SCUBE1: variants seen among roughly 807,000 people sequenced by gnomAD.
The protein encoded by SCUBE1 is signal peptide, CUB and EGF-like domain-containing protein 1.
SCUBE1 carries 59 observed loss-of-function variants against 124.4 expected under a neutral mutation model. That is an observed-to-expected ratio of 0.47 (90% CI 0.38 to 0.59). The LOEUF (loss-of-function observed/expected upper bound fraction) is 0.59. Among genes scored for constraint, SCUBE1 ranks in the 20% least tolerant of loss-of-function variants. SCUBE1 has a pLI of 0.00. For missense variants in SCUBE1, 1,150 were observed against 1,371.2 expected, an observed-to-expected ratio of 0.84 and a Z score of 2.55; for synonymous variants, 545 against 550.9, an observed-to-expected ratio of 0.99 and a Z score of 0.15.
At position 43,258,207 on chromosome 22, in the gene SCUBE1, G is replaced by T. The variant is rs776827718; in HGVS notation, c.727+12C>A. 5 of 1,586,806 alleles carry T rather than the reference G, an allele frequency of 3.2e-6. No homozygotes were observed. In the South Asian group the frequency reaches 4.4e-5, roughly 14 times the overall value. On this transcript the variant is annotated intron_variant, in intron 6 of 21. Transcript: ENST00000360835. This position sits in a 1 kb window ranked among gnomAD's most constrained non-coding sequence, Gnocchi z 5.0. The stretch of plus-strand genomic sequence containing the variant: ...GGCGCAAGGGTGGTGTGTGGCAGAG[G>T]TGCCTACTTACCGATGCACGTGCGA...
chr22:43,269,929 G>A (rs1924228388), intron 4 of SCUBE1, among the ~76,000 whole-genome samples: 1 of 152,178 alleles, frequency 6.6e-6, no homozygotes, highest in Admixed American at 6.5e-5. Flanking sequence ...AGCCTCCCAC[G>A]TTCATCAGGG....
intron 5 of SCUBE1, among the ~76,000 whole-genome samples, chr22:43,259,852 A>C (rs1923806667): frequency 6.6e-6 from 1 of 152,156 alleles, no homozygotes. Flanking sequence ...CCAGAAACAC[A>C]ACTGGGCTTC....
rs371340127 is a variant in SCUBE1 at position 43,293,426 on chromosome 22, C to T, written c.350-2246G>A. Among the ~76,000 whole-genome samples the T allele has an allele frequency of 3.9e-5, 6 of 152,234 alleles. 1 individual carries two copies. Among genetic ancestry groups the T allele is most frequent in the South Asian group, 4.1e-4 (2 of 4,834 alleles). Reference sequence around the variant, plus strand: ...CCCTGCGGTCTGGCTGCAGAACACGCGCCTTTGGCCCCAGGCTAAGCTGGC... The same window carrying T: ...CCCTGCGGTCTGGCTGCAGAACACGTGCCTTTGGCCCCAGGCTAAGCTGGC... On this transcript the variant is annotated intron_variant, in intron 3 of 21. Coordinates refer to ENST00000360835, the MANE Select transcript of SCUBE1 (RefSeq NM_173050.5).
chr22:43,291,114 T>C lies in SCUBE1; in HGVS notation c.416A>G (p.Tyr139Cys), dbSNP rs1206978545. 2 of 1,613,812 alleles carry C rather than the reference T, an allele frequency of 1.2e-6. No homozygotes were observed. Among genetic ancestry groups the C allele is most frequent in the Non-Finnish European group, 8.5e-7 (1 of 1,179,892 alleles). ...GAAGCCACTGTGGCACTGACACTCG[T>C]AGCTGCCCATGGCATTGACGCAGAT... is the stretch of plus-strand genomic sequence containing the variant. ...QQICVNAMGSYECQCHSGFFL... is the reference protein window; with the variant it reads ...QQICVNAMGSCECQCHSGFFL... Residue 139 changes from tyrosine (Y) to cysteine (C), a missense_variant, in exon 4 of 22, where the codon TAC (tyrosine) becomes TGC (cysteine). Coordinates refer to ENST00000360835, the MANE Select transcript of SCUBE1 (RefSeq NM_173050.5).
At chr22:43,314,033 A>T (rs1276946195) in intron 3 of SCUBE1, among the ~76,000 whole-genome samples, 1 of 152,156 alleles carries the variant, frequency 6.6e-6, no homozygotes, top group African/African-American at 2.4e-5. Flanking sequence ...GACAAAACAG[A>T]GGAGGTGCGA....
intron 21 of SCUBE1, among the ~76,000 whole-genome samples, chr22:43,205,785 ACT>A (rs1164114642): frequency 8.1e-5 from 5 of 61,588 alleles, no homozygotes; most frequent in African/African-American, 2.0e-4. Context: ...CTCACCACAC[ACT>A]CACCCCCACA....
chr22:43,313,929 A>G (rs1331148755), intron 3 of SCUBE1, among the ~76,000 whole-genome samples: 1 of 152,246 alleles, frequency 6.6e-6, no homozygotes, highest in Admixed American at 6.5e-5. Context: ...TAAGGTGATC[A>G]GGGTTTTATC....
chr22:43,250,343 T>C (rs1923391203), intron 6 of SCUBE1, among the ~76,000 whole-genome samples: 1 of 152,190 alleles, frequency 6.6e-6, no homozygotes, highest in Non-Finnish European at 1.5e-5. Context: ...GGCACTGGCC[T>C]GGGGAAAACT....
chr22:43,267,267 G>C (rs1355627783), intron 4 of SCUBE1, among the ~76,000 whole-genome samples: 1 of 152,170 alleles, frequency 6.6e-6, no homozygotes, highest in Non-Finnish European at 1.5e-5. Flanking sequence ...TCTGCAAACA[G>C]TGGGTGAAAG....
At chr22:43,339,287 G>C (rs765125642) in intron 1 of SCUBE1, 52 bp from the exon 2 acceptor site, 1 of 1,588,746 alleles carries the variant, frequency 6.3e-7, no homozygotes, top group Non-Finnish European at 8.6e-7. Flanking sequence ...CCCCAGGGCA[G>C]GTGGCCGATA....
At chr22:43,257,017 C>T (rs1032941145) in intron 6 of SCUBE1, among the ~76,000 whole-genome samples, 6 of 152,200 alleles carry the variant, frequency 3.9e-5, no homozygotes, top group African/African-American at 1.2e-4. Context: ...ACCAGAAAAG[C>T]AAGAGAAATG....
rs1466355225 is a variant in SCUBE1 at position 43,320,063 on chromosome 22, T to C, written c.223A>G (p.Ile75Val). 4.3e-6 allele frequency: 7 copies of C among 1,613,922 alleles called. No individual in the cohort carries two copies. The highest frequency in any genetic ancestry group is 3.3e-5 in the Admixed American group (2 of 60,014). Residue 75 changes from isoleucine (I) to valine (V), a missense_variant and splice_region_variant, in exon 3 of 22, where the codon ATT becomes GTT. Around this residue, in one of 3 missense-constraint regions of SCUBE1, gnomAD observed 337 missense variants for 482.1 expected, o/e 0.70. Coordinates refer to ENST00000360835, the MANE Select transcript of SCUBE1 (RefSeq NM_173050.5). ...YKGEGKQCED[I>V]DECENDYYNG... Reference sequence around the variant, plus strand: ...TAGTAGTCATTCTCACACTCGTCAATGTCTGCAAAAGGAAGGGCATGAGAG... The same window carrying C: ...TAGTAGTCATTCTCACACTCGTCAACGTCTGCAAAAGGAAGGGCATGAGAG...
At chr22:43,251,759 A>C (rs571340836) in intron 6 of SCUBE1, among the ~76,000 whole-genome samples, 1 of 152,356 alleles carries the variant, frequency 6.6e-6, no homozygotes, top group South Asian at 2.1e-4. Context: ...TGACCTACAG[A>C]AGATAATAAA....
intron 6 of SCUBE1, among the ~76,000 whole-genome samples, chr22:43,242,504 G>C (rs1439979419): frequency 6.6e-6 from 1 of 152,198 alleles, no homozygotes; most frequent in Non-Finnish European, 1.5e-5. Context: ...GTGGGCTCTG[G>C]GCCTTCCTCC....
In SCUBE1 at chr22:43,204,140, G is replaced by A; in HGVS notation, c.2824C>T (p.Leu942=). 6.2e-7 allele frequency: 1 copy of A among 1,614,004 alleles called. No homozygotes were observed. The highest frequency in any genetic ancestry group is 8.5e-7 in the Non-Finnish European group (1 of 1,179,996). Reference sequence around the variant, plus strand: ...AGCACGTCGAAGAGGGCCTTGATCAGCTTCTTGTCCTGTAAGATAGAGTGG... The same window carrying A: ...AGCACGTCGAAGAGGGCCTTGATCAACTTCTTGTCCTGTAAGATAGAGTGG... ...NHQEILKDKK[L]IKALFDVLAH... The change falls in exon 22 of 22, where the codon CTG becomes TTG. Residue 942 remains leucine (L), a synonymous_variant. Coordinates refer to ENST00000360835, the MANE Select transcript of SCUBE1 (RefSeq NM_173050.5).
At chr22:43,324,608 T>TA (rs913528652) in intron 2 of SCUBE1, among the ~76,000 whole-genome samples, 3 of 152,058 alleles carry the variant, frequency 2.0e-5, no homozygotes. Flanking sequence ...ACAAACCAGC[T>TA]AAAAAAATTT....
intron 7 of SCUBE1, among the ~76,000 whole-genome samples, chr22:43,236,509 C>G (rs1922768159): frequency 6.6e-6 from 1 of 152,214 alleles, no homozygotes; most frequent in Non-Finnish European, 1.5e-5. Flanking sequence ...AAATGAAAAC[C>G]TGGGTGTGAG....
At chr22:43,226,282 G>T (rs1015592387) in intron 10 of SCUBE1, among the ~76,000 whole-genome samples, 2 of 152,192 alleles carry the variant, frequency 1.3e-5, no homozygotes, top group Non-Finnish European at 2.9e-5. Context: ...TGGTGGCTGG[G>T]AGTGTGATGG....
chr22:43,284,213 A>G (rs756080147), intron 4 of SCUBE1, among the ~76,000 whole-genome samples: 1 of 152,254 alleles, frequency 6.6e-6, no homozygotes, highest in South Asian at 2.1e-4. Flanking sequence ...GTGTGGGGAT[A>G]AACATTAGCA....
Sources: allele counts gnomAD v4.1 joint callset (sites outside exome capture counted in the v4.1 genomes callset), GRCh38; gene constraint gnomAD v4.1.1; regional missense constraint gnomAD v4.1.1; non-coding constraint Gnocchi (gnomAD v3.1); transcripts MANE v1.5; gene names NCBI Gene and HGNC (gene_info 2026-07-23, HGNC 2026-07-21).